SUGCT: variants seen among roughly 807,000 people sequenced by gnomAD.
The protein encoded by SUGCT is succinyl-CoA:glutarate CoA-transferase.
A neutral mutation model predicts 55.0 loss-of-function variants in SUGCT; 41 were observed. The observed-to-expected ratio is 0.74, with a 90% confidence interval of 0.58 to 0.97. The LOEUF is 0.97. Ranked by LOEUF, SUGCT falls within the 50% of genes least tolerant of loss-of-function variation. The probability of loss-of-function intolerance (pLI) is 0.00; values close to 1 mark genes in which losing one functional copy is unlikely to be tolerated. For synonymous variants in SUGCT, 187 were observed against 200.4 expected (o/e 0.93, Z 0.56); for missense variants, 568 against 547.8 (o/e 1.04, Z -0.37).
chr7:40,194,158 T>G (rs1173193970), intron 5 of SUGCT, among the ~76,000 whole-genome samples: 1 of 152,190 alleles, frequency 6.6e-6, no homozygotes, highest in African/African-American at 2.4e-5. Context: ...GAAGAATGCA[T>G]CTGAAAGGTG....
At chr7:40,526,516 T>C (rs922614443) in intron 12 of SUGCT, among the ~76,000 whole-genome samples, 3 of 152,176 alleles carry the variant, frequency 2.0e-5, no homozygotes, top group African/African-American at 7.2e-5. Context: ...GAGTTTCTTA[T>C]TCAGTTGGTC....
intron 12 of SUGCT, among the ~76,000 whole-genome samples, chr7:40,715,975 T>A (rs963170058): frequency 6.6e-6 from 1 of 152,250 alleles, no homozygotes; most frequent in Non-Finnish European, 1.5e-5. Context: ...CCTCACTAGC[T>A]GGCGTTCTGA....
chr7:40,147,318 C>G (rs773483702), intron 1 of SUGCT, among the ~76,000 whole-genome samples: 1 of 152,136 alleles, frequency 6.6e-6, no homozygotes, highest in South Asian at 2.1e-4. Context: ...GAGGTTCAAC[C>G]CCCCCATCAT....
intron 1 of SUGCT, among the ~76,000 whole-genome samples, chr7:40,172,888 G>GC (rs765238537): frequency 6.6e-6 from 1 of 152,176 alleles, no homozygotes; most frequent in Non-Finnish European, 1.5e-5. Context: ...TTTTTAACTG[G>GC]CCAACAGGTG....
At chr7:40,219,380 G>C (rs1787894497) in intron 6 of SUGCT, among the ~76,000 whole-genome samples, 1 of 152,246 alleles carries the variant, frequency 6.6e-6, no homozygotes, top group East Asian at 1.9e-4. Context: ...AATAAAGGGA[G>C]TGAAAGCAAG....
chr7:40,451,681 C>A (rs1395861685), intron 10 of SUGCT, among the ~76,000 whole-genome samples: 1 of 152,208 alleles, frequency 6.6e-6, no homozygotes, highest in Non-Finnish European at 1.5e-5. Flanking sequence ...TGCGTGAATG[C>A]TGCAATCTGA....
At chr7:40,926,312 T>A in the SUGCT span, among the ~76,000 whole-genome samples, 19,959 of 151,928 alleles carry the variant, frequency 0.13, 1,435 homozygotes, top group African/African-American at 0.18. Context: ...ATTGTCTTTG[T>A]ATTGGACTCT....
intron 1 of SUGCT, among the ~76,000 whole-genome samples, chr7:40,176,931 A>G: frequency 6.9e-6 from 1 of 145,686 alleles, no homozygotes; most frequent in Non-Finnish European, 1.5e-5. Context: ...CAAGATCGCA[A>G]GCCTGGGAGA....
At chr7:41,022,738 C>G in the SUGCT span, among the ~76,000 whole-genome samples, 1 of 151,578 alleles carries the variant, frequency 6.6e-6, no homozygotes, top group Non-Finnish European at 1.5e-5. Context: ...GCTAAATATG[C>G]ATTATAATTT....
chr7:40,319,040 A>AT (rs1208330289), intron 9 of SUGCT, among the ~76,000 whole-genome samples: 3 of 151,492 alleles, frequency 2.0e-5, no homozygotes, highest in Non-Finnish European at 2.9e-5. Context: ...AAGACATAGG[A>AT]TTTTTTTTCT....
intron 13 of SUGCT, among the ~76,000 whole-genome samples, chr7:40,787,667 A>AG (rs1790083304): frequency 7.6e-6 from 1 of 131,626 alleles, no homozygotes; most frequent in Non-Finnish European, 1.5e-5. Context: ...GACCAAAAAA[A>AG]AAAAAAAAAA....
the SUGCT span, among the ~76,000 whole-genome samples, chr7:40,963,128 T>C: frequency 6.6e-6 from 1 of 152,220 alleles, no homozygotes. Flanking sequence ...AAAATTTACC[T>C]AATTATTATT....
intron 13 of SUGCT, 136 bp from the exon 14 acceptor site, chr7:40,860,180 T>C (rs1001194728): frequency 7.0e-6 from 7 of 999,858 alleles, no homozygotes; most frequent in Admixed American, 2.1e-5. Flanking sequence ...TTCCAAAACG[T>C]TGATGCATCT....
chr7:40,248,879 C>T (rs937332561), intron 7 of SUGCT, among the ~76,000 whole-genome samples: 17 of 138,832 alleles, frequency 1.2e-4, no homozygotes, highest in Middle Eastern at 3.8e-3. Context: ...CCAGCGCGCG[C>T]GCGCGCTCGC....
chr7:40,241,514 G>A (rs1789389804), intron 7 of SUGCT, among the ~76,000 whole-genome samples: 1 of 151,788 alleles, frequency 6.6e-6, no homozygotes, highest in Non-Finnish European at 1.5e-5. Context: ...GGGAGGTGGA[G>A]GTTACAGTGG....
chr7:40,702,387 C>G (rs566068821), intron 12 of SUGCT, among the ~76,000 whole-genome samples: 19 of 152,310 alleles, frequency 1.2e-4, no homozygotes, highest in Admixed American at 4.6e-4. Context: ...GTGAAAAATA[C>G]ACATTTTCAT....
At chr7:40,575,563 T>G (rs1325723918) in intron 12 of SUGCT, among the ~76,000 whole-genome samples, 1 of 151,898 alleles carries the variant, frequency 6.6e-6, no homozygotes, top group Admixed American at 6.6e-5. Context: ...TCAGAAGTCC[T>G]ATTGGTTCAT....
At chr7:40,999,049 G>T in the SUGCT span, among the ~76,000 whole-genome samples, 2 of 152,202 alleles carry the variant, frequency 1.3e-5, no homozygotes, top group African/African-American at 4.8e-5. Flanking sequence ...TCTGTGGAAT[G>T]CAGTGTGGCA....
chr7:40,927,053 A>G, the SUGCT span, among the ~76,000 whole-genome samples: 1 of 152,178 alleles, frequency 6.6e-6, no homozygotes, highest in African/African-American at 2.4e-5. Context: ...TATGGGAAAC[A>G]TATTTTGTGA....
Sources: gnomAD v4.1 joint callset for allele counts (sites outside exome capture counted in the v4.1 genomes callset) on GRCh38, gnomAD v4.1.1 for gene constraint, MANE v1.5 for transcripts, NCBI Gene and HGNC (gene_info 2026-07-23, HGNC 2026-07-21) for gene names.